The following CDCP2 variants were observed in gnomAD, a reference collection of about 807,000 sequenced individuals.
The protein encoded by CDCP2 is CUB domain containing protein 2.
CDCP2 carries 31 observed loss-of-function variants against 31.0 expected under a neutral mutation model. The ratio of observed to expected loss-of-function variants is 1.00; its 90% CI spans 0.75 to 1.35. The LOEUF is 1.35. Ranked by LOEUF, CDCP2 falls within the 40% of genes most tolerant of loss-of-function variation. The pLI, the probability that CDCP2 is intolerant of heterozygous loss-of-function variation, is 0.00. For missense variants in CDCP2, 443 were observed against 482.6 expected (o/e 0.92, Z 0.77); for synonymous variants, 206 against 207.9 (o/e 0.99, Z 0.08).
At chr1:54,133,239 G>A (rs1570054088) in exon 6 of CDCP2, 1 of 399,128 alleles carries the variant, frequency 2.5e-6, no homozygotes, top group Non-Finnish European at 4.4e-6. Context: ...CTCCCGCCCC[G>A]CGGCTGAGAA....
exon 3 of CDCP2, chr1:54,141,183 G>A (rs748807336): frequency 4.4e-6 from 7 of 1,591,240 alleles, no homozygotes; most frequent in Admixed American, 3.5e-5. Flanking sequence ...CCAGAGACAC[G>A]AGGGTGGGGG....
intron 1 of CDCP2, 92 bp downstream of exon 1, chr1:54,152,752 C>T: frequency 8.3e-7 from 1 of 1,202,182 alleles, no homozygotes; most frequent in African/African-American, 1.5e-5. Flanking sequence ...CTCCTGCTTT[C>T]TGGCTTCCCA....
At chr1:54,143,831 CAAG>C (rs1329460536) in intron 2 of CDCP2, 1 of 152,224 alleles carries the variant, frequency 6.6e-6, no homozygotes, top group East Asian at 1.9e-4. Context: ...AAGAGAAAGG[CAAG>C]AAGAACAAGG....
chr1:54,137,796 C>T (rs572982283), intron 4 of CDCP2: 1 of 152,160 alleles, frequency 6.6e-6, no homozygotes, highest in South Asian at 2.1e-4. Flanking sequence ...AGGCCTGGAA[C>T]TCTCAACCCC....
intron 4 of CDCP2, among the ~76,000 whole-genome samples, chr1:54,137,188 A>G (rs1489208607): frequency 6.6e-6 from 1 of 152,254 alleles, no homozygotes; most frequent in Admixed American, 6.5e-5. Flanking sequence ...AAATATATTG[A>G]TGGCCTGCTA....
At chr1:54,152,432 C>G (rs537392879) in intron 1 of CDCP2, among the ~76,000 whole-genome samples, 1 of 151,444 alleles carries the variant, frequency 6.6e-6, no homozygotes, top group African/African-American at 2.4e-5. Flanking sequence ...CCACTGCACT[C>G]CAGCCTGGGC....
intron 1 of CDCP2, among the ~76,000 whole-genome samples, chr1:54,148,511 G>A (rs1021258633): frequency 1.3e-5 from 2 of 151,036 alleles, no homozygotes; most frequent in South Asian, 2.1e-4. Context: ...AGTGAAACAC[G>A]GGCCAGTAAA....
chr1:54,133,840 G>A (rs1659211278), intron 5 of CDCP2, among the ~76,000 whole-genome samples: 1 of 150,928 alleles, frequency 6.6e-6, no homozygotes, highest in African/African-American at 2.4e-5. Flanking sequence ...AGCTTGCAGT[G>A]AGCTGAGATC....
intron 1 of CDCP2, among the ~76,000 whole-genome samples, chr1:54,148,452 A>C (rs1296364140): frequency 6.6e-6 from 1 of 151,742 alleles, no homozygotes; most frequent in Non-Finnish European, 1.5e-5. Context: ...CTTTGTAACA[A>C]ATAGACCAGG....
chr1:54,152,809 C>CGGAA, intron 1 of CDCP2, 35 bp downstream of exon 1: 2 of 1,583,534 alleles, frequency 1.3e-6, no homozygotes, highest in Non-Finnish European at 1.7e-6. Flanking sequence ...CACCTCCTTC[C>CGGAA]CCTCTCAGTT....
At chr1:54,134,641 C>A (rs879249722) in intron 5 of CDCP2, among the ~76,000 whole-genome samples, 4 of 152,210 alleles carry the variant, frequency 2.6e-5, no homozygotes, top group Non-Finnish European at 5.9e-5. Flanking sequence ...AGTAGGAAGT[C>A]CCCAGCACCA....
intron 1 of CDCP2, among the ~76,000 whole-genome samples, chr1:54,148,966 A>G (rs961408686): frequency 9.3e-6 from 1 of 108,084 alleles, no homozygotes; most frequent in Admixed American, 8.9e-5. Context: ...TGAATTGTTT[A>G]AAAAAAAAAT....
intron 3 of CDCP2, 164 bp from the exon 4 acceptor site, chr1:54,140,270 A>G (rs963163056): frequency 3.2e-6 from 2 of 630,346 alleles, no homozygotes; most frequent in Non-Finnish European, 5.6e-6. Flanking sequence ...AACTATCTGA[A>G]AGTTGGGATG....
exon 2 of CDCP2, chr1:54,144,596 G>T: frequency 6.2e-7 from 1 of 1,614,208 alleles, no homozygotes; most frequent in African/African-American, 1.3e-5. Context: ...CCAGCAGGTT[G>T]CCCTTGTCTG....
chr1:54,148,874 T>A (rs1659522403), intron 1 of CDCP2, among the ~76,000 whole-genome samples: 1 of 150,906 alleles, frequency 6.6e-6, no homozygotes, highest in African/African-American at 2.5e-5. Flanking sequence ...CTGCAAATAA[T>A]AATAATTTTA....
intron 5 of CDCP2, among the ~76,000 whole-genome samples, chr1:54,133,571 C>A (rs1266452039): frequency 1.3e-5 from 2 of 152,174 alleles, no homozygotes; most frequent in Non-Finnish European, 2.9e-5. Flanking sequence ...TTATTTAATT[C>A]TCACAACAAT....
intron 1 of CDCP2, among the ~76,000 whole-genome samples, chr1:54,146,028 G>T (rs1003030979): frequency 6.6e-6 from 1 of 151,966 alleles, no homozygotes. Flanking sequence ...AGGACAAAAT[G>T]AACCACAACA....
intron 2 of CDCP2, chr1:54,143,548 C>T (rs574359702): frequency 6.6e-6 from 1 of 152,082 alleles, no homozygotes; most frequent in East Asian, 1.9e-4. Context: ...TAACATTCTA[C>T]AAATCTAAGG....
intron 4 of CDCP2, chr1:54,138,483 C>T: frequency 6.6e-6 from 1 of 152,314 alleles, no homozygotes; most frequent in East Asian, 1.9e-4. Context: ...CCCCAACTCC[C>T]CTTGCATATG....
Sources: gnomAD v4.1 joint callset for allele counts (sites outside exome capture counted in the v4.1 genomes callset) on GRCh38, gnomAD v4.1.1 for gene constraint, MANE v1.5 for transcripts, NCBI Gene and HGNC (gene_info 2026-07-23, HGNC 2026-07-21) for gene names.